The following NEK10 variants were observed in gnomAD, a reference collection of about 807,000 sequenced individuals.
NEK10 encodes serine/threonine-protein kinase Nek10.
Under a neutral mutation model 159.8 loss-of-function variants are expected in NEK10, and 122 were observed. The ratio of observed to expected loss-of-function variants is 0.76; its 90% CI spans 0.66 to 0.89. NEK10 has a LOEUF of 0.89. Among genes scored for constraint, NEK10 ranks in the 40% least tolerant of loss-of-function variants. The pLI is 0.00. For missense variants in NEK10, 1,342 were observed against 1,323.1 expected (o/e 1.01, Z -0.22); for synonymous variants, 466 against 457.1 (o/e 1.02, Z -0.25).
intron 23 of NEK10, among the ~76,000 whole-genome samples, chr3:27,237,015 T>TC (rs1467193782): frequency 6.6e-6 from 1 of 151,678 alleles, no homozygotes; most frequent in African/African-American, 2.4e-5. Context: ...TTTATAGACC[T>TC]CCCCCCAGGA....
chr3:27,164,411 G>A (rs547299793), intron 29 of NEK10, among the ~76,000 whole-genome samples: 21 of 152,264 alleles, frequency 1.4e-4, no homozygotes, highest in Admixed American at 9.8e-4. Flanking sequence ...GAAACCGATT[G>A]TAAGCATCAA....
At chr3:27,133,713 GT>G (rs1250626330) in intron 31 of NEK10, among the ~76,000 whole-genome samples, 1 of 152,254 alleles carries the variant, frequency 6.6e-6, no homozygotes, top group Admixed American at 6.5e-5. Context: ...GGTGGAGGTT[GT>G]GGTGAGCTGA....
chr3:27,317,885 C>G (rs1022778260), intron 6 of NEK10, among the ~76,000 whole-genome samples: 1 of 152,152 alleles, frequency 6.6e-6, no homozygotes, highest in Non-Finnish European at 1.5e-5. Flanking sequence ...TCACTGCAAG[C>G]TCCGCCTCCC....
chr3:27,252,107 T>C (rs904609240), intron 23 of NEK10: 1 of 288,618 alleles, frequency 3.5e-6, no homozygotes, highest in African/African-American at 2.2e-5. Context: ...CTCCTCTAGG[T>C]CCTGGGGAAA....
At chr3:27,203,257 T>C (rs2149046135) in intron 23 of NEK10, among the ~76,000 whole-genome samples, 1 of 152,274 alleles carries the variant, frequency 6.6e-6, no homozygotes, top group Admixed American at 6.5e-5. Flanking sequence ...TGGTGACTAA[T>C]GATAAGGTGT....
At chr3:27,267,713 C>G (rs2041019800) in intron 22 of NEK10, among the ~76,000 whole-genome samples, 1 of 152,162 alleles carries the variant, frequency 6.6e-6, no homozygotes, top group South Asian at 2.1e-4. Flanking sequence ...GCCTCCTTAT[C>G]CCCCTAGACA....
intron 29 of NEK10, among the ~76,000 whole-genome samples, chr3:27,165,645 C>T (rs1287872087): frequency 6.6e-6 from 1 of 152,186 alleles, no homozygotes; most frequent in Non-Finnish European, 1.5e-5. Context: ...TTCTAAAAGG[C>T]CATCCCTTCC....
Position 27,252,452 on chromosome 3 carries a change from G to T in NEK10, c.2090+3844C>A, listed in dbSNP as rs1013430355. Among the ~76,000 whole-genome samples, 8 of 152,192 alleles carry T rather than the reference G, an allele frequency of 5.3e-5. No individual in the cohort carries two copies. In the South Asian group the frequency reaches 8.3e-4, roughly 16 times the overall value. ...AATTAAAAATTTGTTACAACAAAAA[G>T]AAATAATTTTCTTTCTAATATGTTA... On this transcript the variant is annotated intron_variant, in intron 23 of 35. Coordinates refer to ENST00000691995, the MANE Select transcript of NEK10 (RefSeq NM_001394966.1).
chr3:27,364,368 G>A (rs1575954239), intron 1 of NEK10, among the ~76,000 whole-genome samples: 1 of 119,266 alleles, frequency 8.4e-6, no homozygotes, highest in Admixed American at 7.8e-5. Flanking sequence ...GTGTGTGTGT[G>A]TGTGTGTGTG....
intron 5 of NEK10, among the ~76,000 whole-genome samples, chr3:27,341,214 AG>A (rs1429246540): frequency 2.0e-5 from 3 of 152,130 alleles, no homozygotes; most frequent in Non-Finnish European, 2.9e-5. Context: ...GGTGAGTGCA[AG>A]GGGGGATAAA....
At chr3:27,340,823 T>C (rs1409448275) in intron 5 of NEK10, among the ~76,000 whole-genome samples, 2 of 152,132 alleles carry the variant, frequency 1.3e-5, no homozygotes, top group Middle Eastern at 3.2e-3. Flanking sequence ...TAGAACCACA[T>C]GATCCAGCAA....
At chr3:27,366,883 C>T (rs556696190) in intron 1 of NEK10, among the ~76,000 whole-genome samples, 2 of 140,196 alleles carry the variant, frequency 1.4e-5, no homozygotes, top group Admixed American at 7.7e-5. Flanking sequence ...GTGATCTTGG[C>T]TCACTGCAAC....
At position 27,202,579 on chromosome 3, in the gene NEK10, A is replaced by G. The variant is rs755970692; in HGVS notation, c.2091-22T>C. 8 of 1,573,772 alleles carry G rather than the reference A, an allele frequency of 5.1e-6. 1 individual carries two copies. The Admixed American group carries it at 1.2e-4, about 24-fold the overall frequency. On this transcript the variant is annotated intron_variant, in intron 23 of 35. Transcript: ENST00000691995. Reference sequence around the variant, plus strand: ...GGGGCTGAAGTAAAATAAGGACATTAATACATGCTAAGGAAGGGAGAATCC... The same window carrying G: ...GGGGCTGAAGTAAAATAAGGACATTGATACATGCTAAGGAAGGGAGAATCC...
rs1017009576 is a variant in NEK10, at chr3:27,109,632, A to G, written c.*1640T>C. 6.6e-6 allele frequency among the ~76,000 whole-genome samples: 1 copy of G among 152,192 alleles called. No homozygotes were observed. The highest frequency in any genetic ancestry group is 2.4e-5 in the African/African-American group (1 of 41,462). On this transcript the variant is annotated 3_prime_UTR_variant, in exon 36 of 36. Transcript: ENST00000691995. ...CCAGGTCTGTGCTTCCTGCATGAAG[A>G]AGAAATGTGCCCCTTTCATACACTG...
chr3:27,176,420 C>G (rs748828533), intron 26 of NEK10, among the ~76,000 whole-genome samples: 2 of 152,164 alleles, frequency 1.3e-5, no homozygotes, highest in Non-Finnish European at 2.9e-5. Flanking sequence ...ATGCTTTGGC[C>G]GCTCTCTGGC....
At chr3:27,262,333 T>C (rs1159962769) in intron 22 of NEK10, among the ~76,000 whole-genome samples, 7 of 152,078 alleles carry the variant, frequency 4.6e-5, no homozygotes, top group Non-Finnish European at 1.0e-4. Context: ...TCTCAAGGAG[T>C]ATCTTTGTGG....
chr3:27,163,545 T>G (rs1257847087), intron 29 of NEK10, among the ~76,000 whole-genome samples: 4 of 151,706 alleles, frequency 2.6e-5, no homozygotes, highest in African/African-American at 7.3e-5. Context: ...GTAGAGACAG[T>G]GTTTCACCAT....
At chr3:27,166,642 C>G (rs1946512699) in intron 29 of NEK10, among the ~76,000 whole-genome samples, 1 of 152,176 alleles carries the variant, frequency 6.6e-6, no homozygotes, top group Non-Finnish European at 1.5e-5. Context: ...TTGTCACAAA[C>G]ATCCACAATC....
chr3:27,236,124 G>A (rs1953887827), intron 23 of NEK10, among the ~76,000 whole-genome samples: 1 of 151,982 alleles, frequency 6.6e-6, no homozygotes, highest in East Asian at 1.9e-4. Context: ...TCATAGAGGG[G>A]GAACAAGGCA....
Sources: allele counts gnomAD v4.1 joint callset (sites outside exome capture counted in the v4.1 genomes callset), GRCh38; gene constraint gnomAD v4.1.1; transcripts MANE v1.5; gene names NCBI Gene and HGNC (gene_info 2026-07-23, HGNC 2026-07-21).